The following GUCY1B1 variants were observed in gnomAD, a reference collection of about 807,000 sequenced individuals.
GUCY1B1 encodes the protein guanylate cyclase soluble subunit beta-1.
A neutral mutation model predicts 71.0 loss-of-function variants in GUCY1B1; 43 were observed. The observed-to-expected ratio is 0.61, with a 90% CI of 0.47 to 0.78. The LOEUF is 0.78. GUCY1B1 is among the 30% of genes least tolerant of loss of function. The probability of loss-of-function intolerance (pLI) is 0.00; values close to 1 mark genes in which losing one functional copy is unlikely to be tolerated. For synonymous variants in GUCY1B1, 266 were observed against 259.7 expected (o/e 1.02, Z -0.23); for missense variants, 535 against 754.1 (o/e 0.71, Z 3.40).
rs1739248383 is a variant in GUCY1B1, at chr4:155,792,502, A to G, written c.496-1354A>G. On this transcript the variant is annotated intron_variant, in intron 5 of 13. Transcript: ENST00000264424. The stretch of plus-strand genomic sequence containing the variant: ...ATAAGGATACTAATATTTAACCAGT[A>G]TAGTAAGTTATTCTGACAGTGAGGT... Among the ~76,000 whole-genome samples the G allele has an allele frequency of 4.6e-5, 7 of 152,292 alleles. No individual in the cohort carries two copies. In the South Asian group the frequency reaches 1.4e-3, roughly 32 times the overall value.
At chr4:155,791,762 C>A (rs1400005489) in intron 5 of GUCY1B1, among the ~76,000 whole-genome samples, 2 of 122,238 alleles carry the variant, frequency 1.6e-5, no homozygotes. Context: ...AAAAATAAAG[C>A]AAAACAAAAC....
At chr4:155,772,631 G>A (rs1737773157) in intron 2 of GUCY1B1, 2 of 695,840 alleles carry the variant, frequency 2.9e-6, no homozygotes, top group South Asian at 3.0e-5. Flanking sequence ...TGTCGCCCAG[G>A]CTGTTCTCAA....
chr4:155,784,729 C>T (rs1227888125), intron 4 of GUCY1B1, among the ~76,000 whole-genome samples: 2 of 152,082 alleles, frequency 1.3e-5, no homozygotes, highest in Non-Finnish European at 2.9e-5. Flanking sequence ...TTCTTTAAAA[C>T]GTTCAAGGCA....
chr4:155,783,533 G>C (rs915367421), intron 4 of GUCY1B1, among the ~76,000 whole-genome samples: 7 of 152,170 alleles, frequency 4.6e-5, no homozygotes, highest in African/African-American at 1.7e-4. Flanking sequence ...TATGTTGACA[G>C]TTTCAGTCAT....
At chr4:155,770,052 A>G (rs1394389019) in intron 2 of GUCY1B1, among the ~76,000 whole-genome samples, 4 of 152,194 alleles carry the variant, frequency 2.6e-5, no homozygotes, top group South Asian at 2.1e-4. Flanking sequence ...TTAAATTACT[A>G]GAAGTGTTAT....
Position 155,789,834 on chromosome 4 carries a change from G to T in GUCY1B1, c.418G>T (p.Glu140Ter). 1.2e-6 allele frequency: 2 copies of T among 1,612,438 alleles called. No homozygotes were observed. The highest frequency in any genetic ancestry group is 1.7e-6 in the Non-Finnish European group (2 of 1,178,532). ...GLILHYYSER[E>*]GLQDIVIGII... is the part of the protein sequence containing the mutation. The stretch of plus-strand genomic sequence containing the variant: ...CATTTTGCACTACTACTCAGAGAGA[G>T]AAGGACTTCAGGATATTGTCATTGG... The change falls in exon 5 of 14, where the codon GAA becomes TAA. Residue 140 changes from glutamate (E) to a stop codon, truncating the protein, a stop_gained. Transcript: ENST00000264424. LOFTEE classifies it high-confidence loss of function.
intron 2 of GUCY1B1, among the ~76,000 whole-genome samples, chr4:155,761,686 C>T (rs988541389): frequency 5.3e-5 from 8 of 152,220 alleles, no homozygotes; most frequent in African/African-American, 1.7e-4. Context: ...ATTCAATTGA[C>T]GAGAATTTAA....
intron 5 of GUCY1B1, among the ~76,000 whole-genome samples, chr4:155,791,761 G>A (rs548547678): frequency 1.3e-4 from 16 of 127,600 alleles, no homozygotes; most frequent in Middle Eastern, 5.1e-3. Context: ...AAAAAATAAA[G>A]CAAAACAAAA....
At chr4:155,765,880 T>C (rs2110978618) in intron 2 of GUCY1B1, among the ~76,000 whole-genome samples, 1 of 152,314 alleles carries the variant, frequency 6.6e-6, no homozygotes, top group East Asian at 1.9e-4. Flanking sequence ...TAAACACCTC[T>C]CAGCTTTGAG....
chr4:155,767,072 T>C (rs1579191962), intron 2 of GUCY1B1, among the ~76,000 whole-genome samples: 1 of 152,156 alleles, frequency 6.6e-6, no homozygotes, highest in East Asian at 1.9e-4. Flanking sequence ...ACTCAGCTAT[T>C]AATTATTAGA....
chr4:155,762,337 T>C (rs1350112313), intron 2 of GUCY1B1, among the ~76,000 whole-genome samples: 1 of 152,246 alleles, frequency 6.6e-6, no homozygotes, highest in African/African-American at 2.4e-5. Flanking sequence ...AAAAACATTT[T>C]TTTTTGTCTC....
intron 2 of GUCY1B1, among the ~76,000 whole-genome samples, 166 bp downstream of exon 2, chr4:155,760,026 G>A (rs1413860861): frequency 6.6e-6 from 1 of 152,022 alleles, no homozygotes; most frequent in African/African-American, 2.4e-5. Flanking sequence ...CCACGCTCCG[G>A]GACTGGAACC....
intron 2 of GUCY1B1, among the ~76,000 whole-genome samples, chr4:155,769,979 T>C (rs1737589877): frequency 6.6e-6 from 1 of 152,132 alleles, no homozygotes; most frequent in Non-Finnish European, 1.5e-5. Context: ...ATTTGGTGAA[T>C]GTACTTGGCT....
chr4:155,779,485 A>G (rs1738274681), intron 4 of GUCY1B1, among the ~76,000 whole-genome samples: 1 of 149,822 alleles, frequency 6.7e-6, no homozygotes, highest in African/African-American at 2.5e-5. Context: ...TGTAGTTAAC[A>G]TAGCTTTAAA....
chr4:155,789,617 A>G, intron 4 of GUCY1B1, 97 bp from the exon 5 acceptor site: 1 of 695,428 alleles, frequency 1.4e-6, no homozygotes, highest in Non-Finnish European at 2.5e-6. Context: ...TCTGCCCACT[A>G]GACTCCGATT....
chr4:155,785,230 T>C lies in GUCY1B1; in HGVS notation c.298-4484T>C, dbSNP rs973078983. 13 of 911,966 alleles carry C rather than the reference T, an allele frequency of 1.4e-5. No individual in the cohort carries two copies. The African/African-American group carries it at 1.7e-4, about 12-fold the overall frequency. 56.5% of individuals were successfully genotyped at this position (911,966 alleles called of 1,614,324 possible). A position where few individuals can be genotyped will look rare whatever the true frequency, so the allele number is the denominator to read the frequency against. ...AATAGATGAATGGACCTACTCTCTA[T>C]ATTTTTCCTGTTTTTTGATTTTATG... is the stretch of plus-strand genomic sequence containing the variant. On this transcript the variant is annotated intron_variant, in intron 4 of 13. Transcript: ENST00000264424.
rs1484642768 is a variant in GUCY1B1 at position 155,759,029 on chromosome 4, T to G, written c.-112T>G. On this transcript the variant is annotated 5_prime_UTR_variant, in exon 1 of 14. Coordinates refer to ENST00000264424, the MANE Select transcript of GUCY1B1 (RefSeq NM_000857.5). ...CCAAGGCGGCTGTTCTCGCTCCAGC[T>G]CGATGCTGCCTCCCCGGCCCGGTTG... is the stretch of plus-strand genomic sequence containing the variant. 5.0e-6 allele frequency: 6 copies of G among 1,194,262 alleles called. No homozygotes were observed. The highest frequency in any genetic ancestry group is 1.5e-5 in the African/African-American group (1 of 66,486). The allele number at this position is 1,194,262 out of a possible 1,614,324, so 74.0% of individuals were successfully genotyped here.
chr4:155,759,757 T>C, intron 1 of GUCY1B1, 30 bp from the exon 2 acceptor site: 1 of 1,571,782 alleles, frequency 6.4e-7, no homozygotes, highest in Non-Finnish European at 8.8e-7. Flanking sequence ...AGCGGGTCCC[T>C]GACGCTCAAG....
Position 155,799,957 on chromosome 4 carries a change from T to G in GUCY1B1, c.1058T>G (p.Val353Gly), listed in dbSNP as rs1739830880. ...IPLHDATRDL[V>G]LLGEQFREEY... Reference sequence around the variant, plus strand: ...CTGCATGATGCCACGCGCGATCTTGTTCTTTTGGGAGAACAATTTAGAGAG... The same window carrying G: ...CTGCATGATGCCACGCGCGATCTTGGTCTTTTGGGAGAACAATTTAGAGAG... Residue 353 changes from valine (V) to glycine (G), a missense_variant, in exon 9 of 14, where the codon GTT becomes GGT. Transcript: ENST00000264424. 2 of 1,613,388 alleles carry G rather than the reference T, an allele frequency of 1.2e-6. No individual in the cohort carries two copies. The highest frequency in any genetic ancestry group is 1.3e-5 in the African/African-American group (1 of 74,898).
Sources: allele counts gnomAD v4.1 joint callset (sites outside exome capture counted in the v4.1 genomes callset), GRCh38; gene constraint gnomAD v4.1.1; transcripts MANE v1.5; gene names NCBI Gene and HGNC (gene_info 2026-07-23, HGNC 2026-07-21).